HMCN1: variants seen among roughly 807,000 people sequenced by gnomAD.
HMCN1 encodes hemicentin-1.
In HMCN1, 321 loss-of-function variants were observed where a neutral mutation model predicts 625.9. The ratio of observed to expected loss-of-function variants is 0.51; its 90% CI spans 0.47 to 0.56. The LOEUF is 0.56. Ranked by LOEUF, HMCN1 falls within the 20% of genes least tolerant of loss-of-function variation. HMCN1 has a pLI of 0.00. For missense variants in HMCN1, 6,588 were observed against 6,887.3 expected (o/e 0.96, Z 1.54); for synonymous variants, 2,425 against 2,417.6 (o/e 1.00, Z -0.09).
chr1:185,876,823 A>T (rs558462381), intron 4 of HMCN1, among the ~76,000 whole-genome samples: 23 of 152,110 alleles, frequency 1.5e-4, no homozygotes, highest in African/African-American at 5.5e-4. Flanking sequence ...CCTTTGTCAG[A>T]TGTAAAATTT....
chr1:185,946,264 G>A (rs796634790), intron 11 of HMCN1, among the ~76,000 whole-genome samples: 3 of 152,246 alleles, frequency 2.0e-5, no homozygotes, highest in African/African-American at 7.2e-5. Flanking sequence ...AAGAAGTGCT[G>A]TGTAGATCCA....
chr1:185,836,990 T>C (rs1375177967), intron 1 of HMCN1, among the ~76,000 whole-genome samples: 1 of 150,678 alleles, frequency 6.6e-6, no homozygotes, highest in East Asian at 1.9e-4. Flanking sequence ...TGGTATTCTA[T>C]GGTGTATATT....
intron 10 of HMCN1, among the ~76,000 whole-genome samples, chr1:185,931,768 G>A (rs1273716342): frequency 1.3e-5 from 2 of 152,250 alleles, no homozygotes; most frequent in South Asian, 2.1e-4. Flanking sequence ...GATGTGGGCA[G>A]CACTGGAAAG....
intron 30 of HMCN1, among the ~76,000 whole-genome samples, chr1:186,011,995 A>G (rs1461691278): frequency 1.3e-5 from 2 of 152,218 alleles, no homozygotes; most frequent in African/African-American, 4.8e-5. Context: ...TAACGCATTG[A>G]CCTGCTGTGT....
intron 71 of HMCN1, 126 bp from the exon 72 acceptor site, chr1:186,112,686 G>A (rs920442863): frequency 1.8e-6 from 2 of 1,140,452 alleles, no homozygotes; most frequent in East Asian, 2.6e-5. Context: ...TGGTGGAGGA[G>A]CAGACAAAGC....
At chr1:186,118,563 C>T (rs1466227724) in intron 77 of HMCN1, among the ~76,000 whole-genome samples, 3 of 152,152 alleles carry the variant, frequency 2.0e-5, no homozygotes, top group African/African-American at 4.8e-5. Flanking sequence ...AATCTTCATA[C>T]AGCATCATTC....
At chr1:185,789,957 G>A (rs1471729659) in intron 1 of HMCN1, among the ~76,000 whole-genome samples, 1 of 152,192 alleles carries the variant, frequency 6.6e-6, no homozygotes, top group Non-Finnish European at 1.5e-5. Flanking sequence ...GTACTTGAGT[G>A]TTTGTCAGAG....
intron 1 of HMCN1, among the ~76,000 whole-genome samples, chr1:185,745,874 G>C (rs138858220): frequency 6.6e-6 from 1 of 152,290 alleles, no homozygotes; most frequent in African/African-American, 2.4e-5. Flanking sequence ...AGGAGAGAGT[G>C]CAGACTGAGA....
intron 89 of HMCN1, among the ~76,000 whole-genome samples, chr1:186,140,497 A>T (rs1331289561): frequency 6.6e-6 from 1 of 152,220 alleles, no homozygotes; most frequent in African/African-American, 2.4e-5. Context: ...CAAAAGGCAC[A>T]TAATGTCAGT....
intron 93 of HMCN1, among the ~76,000 whole-genome samples, chr1:186,150,591 T>C (rs1650603591): frequency 6.6e-6 from 1 of 152,186 alleles, no homozygotes; most frequent in Non-Finnish European, 1.5e-5. Flanking sequence ...CGTCCTTAGA[T>C]AATCCACGTT....
intron 59 of HMCN1, 55 bp from the exon 60 acceptor site, chr1:186,087,388 T>C: frequency 1.2e-6 from 2 of 1,601,368 alleles, no homozygotes; most frequent in African/African-American, 2.7e-5. Context: ...TTCAATATTT[T>C]CTATCTGAGC....
chr1:185,878,251 T>C (rs1664080047), intron 4 of HMCN1, among the ~76,000 whole-genome samples: 2 of 152,220 alleles, frequency 1.3e-5, no homozygotes, highest in African/African-American at 4.8e-5. Flanking sequence ...TCTTCACTGA[T>C]TGCTCTGGCT....
intron 23 of HMCN1, 39 bp downstream of exon 23, chr1:185,993,348 C>T: frequency 6.2e-7 from 1 of 1,609,294 alleles, no homozygotes. Flanking sequence ...ACCCTGTGGA[C>T]TGGCCACACA....
chr1:186,052,514 G>T (rs1327527967), intron 42 of HMCN1, among the ~76,000 whole-genome samples: 3 of 152,008 alleles, frequency 2.0e-5, no homozygotes, highest in South Asian at 2.1e-4. Context: ...CTGTTCTTTA[G>T]TATATGTTGT....
chr1:186,090,694 C>G lies in HMCN1; in HGVS notation c.9728-64C>G. The stretch of plus-strand genomic sequence containing the variant: ...CTAGAAATGTCATATTGTTTTATGA[C>G]TCTGTTACATTAGAATTTATATCCT... On this transcript the variant is annotated intron_variant, in intron 63 of 106. Transcript: ENST00000271588. 5 of 1,563,174 alleles carry G rather than the reference C, an allele frequency of 3.2e-6. No homozygotes were observed. The South Asian group carries it at 4.5e-5, about 14-fold the overall frequency.
At chr1:185,962,389 A>T in intron 11 of HMCN1, 129 bp from the exon 12 acceptor site, 1 of 765,624 alleles carries the variant, frequency 1.3e-6, no homozygotes, top group South Asian at 1.4e-5. Flanking sequence ...CATATCTGTG[A>T]TGGGGTTCAT....
chr1:185,976,533 T>A (rs1217595947), intron 15 of HMCN1, among the ~76,000 whole-genome samples: 1 of 152,150 alleles, frequency 6.6e-6, no homozygotes, highest in African/African-American at 2.4e-5. Flanking sequence ...AGTGTGACTA[T>A]GAGCAGTTGT....
chr1:186,034,648 G>C (rs543226597), intron 36 of HMCN1, among the ~76,000 whole-genome samples: 2 of 152,170 alleles, frequency 1.3e-5, no homozygotes, highest in African/African-American at 4.8e-5. Flanking sequence ...TGTGATTATT[G>C]GACTATTTGT....
chr1:186,095,133 A>G (rs1660059283), intron 67 of HMCN1, 110 bp from the exon 68 acceptor site: 2 of 1,081,104 alleles, frequency 1.8e-6, no homozygotes, highest in Non-Finnish European at 2.8e-6. Context: ...TTTAAAGTAT[A>G]TATTTTTATC....
Sources: allele counts gnomAD v4.1 joint callset (sites outside exome capture counted in the v4.1 genomes callset), GRCh38; gene constraint gnomAD v4.1.1; transcripts MANE v1.5; gene names NCBI Gene and HGNC (gene_info 2026-07-23, HGNC 2026-07-21).